The following CRYBA4 variants were observed in gnomAD, a reference collection of about 807,000 sequenced individuals.
CRYBA4 encodes beta-crystallin A4.
CRYBA4 carries 30 observed loss-of-function variants against 31.7 expected under a neutral mutation model. That is an observed-to-expected ratio of 0.95 (90% CI 0.71 to 1.28). CRYBA4 has a LOEUF of 1.28. Ranked by LOEUF, CRYBA4 falls within the 50% of genes most tolerant of loss-of-function variation. The probability of loss-of-function intolerance (pLI) is 0.00; values close to 1 mark genes in which losing one functional copy is unlikely to be tolerated. For missense variants in CRYBA4, 225 were observed against 260.7 expected (o/e 0.86, Z 0.94); for synonymous variants, 102 against 102.3 (o/e 1.00, Z 0.02).
chr22:26,620,983 G>C (rs148354873), upstream of CRYBA4, among the ~76,000 whole-genome samples: 1 of 152,160 alleles, frequency 6.6e-6, no homozygotes, highest in African/African-American at 2.4e-5. Context: ...TAAGAAAGAA[G>C]CAGGGCTGGA....
chr22:26,617,197 G>A (rs1237980230), upstream of CRYBA4, among the ~76,000 whole-genome samples: 1 of 152,166 alleles, frequency 6.6e-6, no homozygotes, highest in Admixed American at 6.5e-5. Flanking sequence ...TGGGTGGAGA[G>A]GGCTTTGGTC....
At chr22:26,629,248 G>T (rs1044192628) in intron 5 of CRYBA4, among the ~76,000 whole-genome samples, 7 of 152,022 alleles carry the variant, frequency 4.6e-5, no homozygotes, top group African/African-American at 1.4e-4. Context: ...GTAGGCAGGG[G>T]GCAAAGATGG....
intron 5 of CRYBA4, among the ~76,000 whole-genome samples, chr22:26,628,835 C>A (rs952477068): frequency 2.0e-5 from 3 of 152,098 alleles, no homozygotes; most frequent in African/African-American, 7.2e-5. Context: ...CTCAGTGATT[C>A]TATTAAAGGT....
At chr22:26,597,019 T>C in the CRYBA4 span, among the ~76,000 whole-genome samples, 1 of 152,194 alleles carries the variant, frequency 6.6e-6, no homozygotes, top group Non-Finnish European at 1.5e-5. Flanking sequence ...GACAGCCCTG[T>C]CTTCTAGTCC....
the CRYBA4 span, among the ~76,000 whole-genome samples, chr22:26,607,560 GAAAAA>G: frequency 8.6e-6 from 1 of 116,314 alleles, no homozygotes; most frequent in Non-Finnish European, 1.7e-5. Flanking sequence ...CCATCTTTGG[GAAAAA>G]AAAAAAAAAA....
the CRYBA4 span, among the ~76,000 whole-genome samples, chr22:26,614,764 A>G: frequency 6.6e-6 from 1 of 152,196 alleles, no homozygotes; most frequent in African/African-American, 2.4e-5. Context: ...GGCGGAGGCT[A>G]GGAGTTCGAG....
upstream of CRYBA4, among the ~76,000 whole-genome samples, chr22:26,617,191 T>C (rs1929384767): frequency 6.6e-6 from 1 of 152,080 alleles, no homozygotes; most frequent in South Asian, 2.1e-4. Context: ...AGGCTTTGGG[T>C]GGAGAGGGCT....
At chr22:26,596,318 A>G in the CRYBA4 span, among the ~76,000 whole-genome samples, 3 of 152,034 alleles carry the variant, frequency 2.0e-5, no homozygotes, top group Non-Finnish European at 4.4e-5. Flanking sequence ...GCTGGTCTCA[A>G]ACTCCTGACC....
At chr22:26,594,102 T>C in the CRYBA4 span, among the ~76,000 whole-genome samples, 2 of 152,116 alleles carry the variant, frequency 1.3e-5, no homozygotes, top group Non-Finnish European at 1.5e-5. Context: ...TAAAAGTAAG[T>C]GGGCAGGTTT....
At chr22:26,614,999 C>A in the CRYBA4 span, among the ~76,000 whole-genome samples, 6 of 152,028 alleles carry the variant, frequency 3.9e-5, no homozygotes, top group Non-Finnish European at 8.8e-5. Context: ...AAGGGAGACA[C>A]CTTAGAGTTA....
chr22:26,630,593 A>AC lies in CRYBA4; in HGVS notation c.*109dup. ...CTGCCTCCCCCTGTAACCTGTGTGA[A>AC]CCCAGCACCCATGTGAACTGGTCCG... On this transcript the variant is annotated 3_prime_UTR_variant, in exon 6 of 6. Transcript: ENST00000354760. The AC allele has an allele frequency of 1.0e-6, 1 of 966,428 alleles. No homozygotes were observed. The highest frequency in any genetic ancestry group is 1.6e-6 in the Non-Finnish European group (1 of 628,796). 59.9% of individuals were successfully genotyped at this position (966,428 alleles called of 1,614,324 possible).
chr22:26,616,342 TA>T, the CRYBA4 span: 1 of 1,606,978 alleles, frequency 6.2e-7, no homozygotes, highest in Non-Finnish European at 8.5e-7. Flanking sequence ...CAAAAGTCTG[TA>T]AAGAAACTCT....
At chr22:26,604,279 G>A in the CRYBA4 span, among the ~76,000 whole-genome samples, 2 of 152,338 alleles carry the variant, frequency 1.3e-5, no homozygotes, top group South Asian at 4.1e-4. Context: ...CTTTTAAAAT[G>A]CATGTTATCA....
upstream of CRYBA4, among the ~76,000 whole-genome samples, chr22:26,617,811 C>CCCCTCT (rs1455865307): frequency 6.6e-5 from 10 of 152,010 alleles, no homozygotes; most frequent in African/African-American, 1.7e-4. Flanking sequence ...CTCACTCTCT[C>CCCCTCT]CCCTCTCCCT....
upstream of CRYBA4, among the ~76,000 whole-genome samples, chr22:26,619,809 G>A (rs1045186455): frequency 3.9e-5 from 6 of 152,198 alleles, no homozygotes; most frequent in Non-Finnish European, 7.4e-5. Context: ...GGTCATCTGG[G>A]GCAGTTCCGT....
the CRYBA4 span, among the ~76,000 whole-genome samples, chr22:26,610,344 C>G: frequency 0.2 from 30,158 of 152,022 alleles, 3,198 homozygotes; most frequent in Middle Eastern, 0.24. Flanking sequence ...CCTCTTCATT[C>G]TTTTTTTCCC....
chr22:26,603,370 A>G, the CRYBA4 span, among the ~76,000 whole-genome samples: 46 of 151,740 alleles, frequency 3.0e-4, no homozygotes, highest in Admixed American at 5.3e-4. Context: ...TCTCTACTAA[A>G]AATGCAAAAA....
the CRYBA4 span, among the ~76,000 whole-genome samples, chr22:26,604,156 C>T: frequency 6.6e-6 from 1 of 151,072 alleles, no homozygotes; most frequent in Non-Finnish European, 1.5e-5. Flanking sequence ...TGATGCCGGA[C>T]CTCAGTGTCT....
the CRYBA4 span, among the ~76,000 whole-genome samples, chr22:26,615,410 G>A: frequency 2.0e-5 from 3 of 152,176 alleles, no homozygotes; most frequent in Admixed American, 6.5e-5. Flanking sequence ...AAGCATGTGC[G>A]TGTGCAGGTG....
Sources: gnomAD v4.1 joint callset for allele counts (sites outside exome capture counted in the v4.1 genomes callset) on GRCh38, gnomAD v4.1.1 for gene constraint, MANE v1.5 for transcripts, NCBI Gene and HGNC (gene_info 2026-07-23, HGNC 2026-07-21) for gene names.